The following DPP6 variants were observed in gnomAD, a reference collection of about 807,000 sequenced individuals.
The protein encoded by DPP6 is A-type potassium channel modulatory protein DPP6.
Under a neutral mutation model 122.6 loss-of-function variants are expected in DPP6, and 69 were observed. The ratio of observed to expected loss-of-function variants is 0.56; its 90% confidence interval spans 0.46 to 0.69. DPP6 has a LOEUF of 0.69. DPP6 is among the 30% of genes least tolerant of loss of function. DPP6 has a pLI of 0.00. For missense variants in DPP6, 928 were observed against 1,116.9 expected, an observed-to-expected ratio of 0.83 and a Z score of 2.41; for synonymous variants, 418 against 433.1, an observed-to-expected ratio of 0.97 and a Z score of 0.43.
chr7:154,382,285 T>A (rs934679485), intron 1 of DPP6, among the ~76,000 whole-genome samples: 1 of 152,078 alleles, frequency 6.6e-6, no homozygotes, highest in Non-Finnish European at 1.5e-5. Flanking sequence ...CCTCCCAGGT[T>A]CAAGCAATTC....
chr7:153,996,711 T>C (rs1455483904), intron 1 of DPP6, among the ~76,000 whole-genome samples: 1 of 152,132 alleles, frequency 6.6e-6, no homozygotes, highest in African/African-American at 2.4e-5. Context: ...TTTTATGTTG[T>C]TGAATATTTA....
intron 1 of DPP6, among the ~76,000 whole-genome samples, chr7:154,003,901 C>T (rs1368861557): frequency 8.5e-5 from 13 of 152,224 alleles, no homozygotes; most frequent in Non-Finnish European, 1.8e-4. Flanking sequence ...TCCAAGGAAG[C>T]CCCATGGCCA....
chr7:154,892,234 G>A (rs1037156834), intron 25 of DPP6, 100 bp from the exon 26 acceptor site: 46 of 1,519,776 alleles, frequency 3.0e-5, no homozygotes, highest in Non-Finnish European at 3.9e-5. Context: ...TCCAGCCCCG[G>A]ACGGGGCCCA....
chr7:154,174,869 T>G (rs187676749), intron 1 of DPP6, among the ~76,000 whole-genome samples: 37 of 145,760 alleles, frequency 2.5e-4, no homozygotes, highest in African/African-American at 9.2e-4. Context: ...CCAATTTCTT[T>G]CTTTCTTTCT....
chr7:153,757,338 G>C, the DPP6 span, among the ~76,000 whole-genome samples: 3 of 152,110 alleles, frequency 2.0e-5, no homozygotes, highest in African/African-American at 7.2e-5. Flanking sequence ...CAAAATGTGC[G>C]CACAGCAGAA....
chr7:154,036,299 G>A (rs1799531988), intron 1 of DPP6, among the ~76,000 whole-genome samples: 1 of 142,874 alleles, frequency 7.0e-6, no homozygotes, highest in Admixed American at 7.0e-5. Context: ...TTAGCGGGGG[G>A]TTGGGGGCGG....
chr7:154,059,577 C>G (rs1333479310), intron 1 of DPP6: 4 of 149,030 alleles, frequency 2.7e-5, no homozygotes, highest in African/African-American at 1.0e-4. Context: ...CTGTGGATCC[C>G]AAACTGCAGT....
chr7:154,242,567 G>A (rs1187009846), intron 1 of DPP6, among the ~76,000 whole-genome samples: 1 of 152,198 alleles, frequency 6.6e-6, no homozygotes, highest in African/African-American at 2.4e-5. Flanking sequence ...TTAAACAACA[G>A]GCAGCACAGA....
chr7:154,821,659 T>TACACAC lies in DPP6; in HGVS notation c.1666+14548_1666+14549insCACACA, dbSNP rs1563249238. ...ATATATATATATACACATATATATA[T>TACACAC]ATATACACATATATATATACACACA... On this transcript the variant is annotated intron_variant, in intron 16 of 25. Transcript: ENST00000377770. This position sits in a 1 kb window ranked among gnomAD's most constrained non-coding sequence, Gnocchi z 4.2. 1.4e-5 allele frequency among the ~76,000 whole-genome samples: 2 copies of TACACAC among 143,870 alleles called. No homozygotes were observed. The highest frequency in any genetic ancestry group is 2.0e-4 in the East Asian group (1 of 5,092). The allele number at this position is 143,870 out of a possible 152,430, so 94.4% of individuals were successfully genotyped here.
chr7:154,825,074 A>C (rs1800054076), intron 16 of DPP6, among the ~76,000 whole-genome samples: 1 of 152,238 alleles, frequency 6.6e-6, no homozygotes, highest in African/African-American at 2.4e-5. Context: ...GGCGAAATGA[A>C]ACACCTGCAG....
At chr7:154,553,071 G>C (rs775728031) in intron 4 of DPP6, among the ~76,000 whole-genome samples, 6 of 152,198 alleles carry the variant, frequency 3.9e-5, no homozygotes, top group Non-Finnish European at 7.3e-5. Context: ...AAGCCACCGT[G>C]CTTTAGGAAA....
chr7:154,820,930 C>T (rs1167428084), intron 16 of DPP6, among the ~76,000 whole-genome samples: 2 of 152,182 alleles, frequency 1.3e-5, no homozygotes, highest in African/African-American at 4.8e-5. Context: ...AGATTACAGG[C>T]AGGGCTCAGT....
intron 19 of DPP6, among the ~76,000 whole-genome samples, chr7:154,873,895 C>T (rs1274478195): frequency 1.3e-5 from 2 of 150,290 alleles, no homozygotes; most frequent in African/African-American, 2.5e-5. Flanking sequence ...CACACACACG[C>T]ACCCACACAC....
intron 6 of DPP6, among the ~76,000 whole-genome samples, chr7:154,662,906 C>G (rs78137389): frequency 0.12 from 3,615 of 30,958 alleles, 1,116 homozygotes; most frequent in Middle Eastern, 0.26. Context: ...ATGGCATATT[C>G]GCCGTAGTGT....
intron 1 of DPP6, among the ~76,000 whole-genome samples, chr7:153,941,775 C>T (rs1315124927): frequency 2.0e-5 from 3 of 152,200 alleles, no homozygotes; most frequent in African/African-American, 7.2e-5. Flanking sequence ...AATCTTTTCA[C>T]TGGAGTTTCT....
chr7:154,849,957 C>T (rs1464080723), intron 16 of DPP6, among the ~76,000 whole-genome samples: 1 of 152,210 alleles, frequency 6.6e-6, no homozygotes, highest in African/African-American at 2.4e-5. Context: ...TGGTGAATCA[C>T]ATTTACTGAT....
intron 1 of DPP6, among the ~76,000 whole-genome samples, chr7:154,213,090 G>A (rs747685282): frequency 6.6e-6 from 1 of 152,142 alleles, no homozygotes; most frequent in African/African-American, 2.4e-5. Flanking sequence ...TCCTCCACAG[G>A]TGGGAGGATG....
intron 1 of DPP6, among the ~76,000 whole-genome samples, chr7:154,161,234 C>G (rs2150708034): frequency 6.6e-6 from 1 of 152,410 alleles, no homozygotes; most frequent in South Asian, 2.1e-4. Flanking sequence ...GAACACATTA[C>G]CTTTGTAAAC....
chr7:153,961,029 C>T (rs1234115238), intron 1 of DPP6, among the ~76,000 whole-genome samples: 1 of 150,694 alleles, frequency 6.6e-6, no homozygotes, highest in Non-Finnish European at 1.5e-5. Flanking sequence ...CGGCTTTGGG[C>T]TTCCATACAT....
Sources: gnomAD v4.1 joint callset for allele counts (sites outside exome capture counted in the v4.1 genomes callset) on GRCh38, gnomAD v4.1.1 for gene constraint, Gnocchi (gnomAD v3.1) non-coding constraint, MANE v1.5 for transcripts, NCBI Gene and HGNC (gene_info 2026-07-23, HGNC 2026-07-21) for gene names.